The following SNX4 variants were observed in gnomAD, a reference collection of about 807,000 sequenced individuals.
SNX4 encodes the protein sorting nexin-4.
In SNX4, 49 loss-of-function variants were observed where a neutral mutation model predicts 70.8. That is an observed-to-expected ratio of 0.69 (90% CI 0.55 to 0.88). The LOEUF (loss-of-function observed/expected upper bound fraction) is 0.88. Ranked by LOEUF, SNX4 falls within the 40% of genes least tolerant of loss-of-function variation. The probability of loss-of-function intolerance (pLI) is 0.00; values close to 1 mark genes in which losing one functional copy is unlikely to be tolerated. For missense variants in SNX4, 528 were observed against 544.8 expected, an observed-to-expected ratio of 0.97 and a Z score of 0.31; for synonymous variants, 206 against 183.8, an observed-to-expected ratio of 1.12 and a Z score of -0.98.
intron 1 of SNX4, among the ~76,000 whole-genome samples, chr3:125,518,340 T>C (rs1370224256): frequency 6.6e-6 from 1 of 151,946 alleles, no homozygotes; most frequent in Non-Finnish European, 1.5e-5. Flanking sequence ...CATGCATCTG[T>C]AGTCCCAGCT....
chr3:125,449,792 T>C (rs1263039610), intron 13 of SNX4, among the ~76,000 whole-genome samples: 9 of 152,214 alleles, frequency 5.9e-5, no homozygotes, highest in Non-Finnish European at 1.2e-4. Context: ...GAAAGTCCTT[T>C]GAGACATTAT....
intron 1 of SNX4, among the ~76,000 whole-genome samples, chr3:125,506,153 G>A (rs966106908): frequency 2.0e-5 from 3 of 151,944 alleles, no homozygotes; most frequent in African/African-American, 7.3e-5. Context: ...AGAAGAATTC[G>A]ATGTCCAGAG....
chr3:125,452,487 TGGGA>T (rs1324237695), intron 12 of SNX4, among the ~76,000 whole-genome samples: 1 of 152,044 alleles, frequency 6.6e-6, no homozygotes, highest in Non-Finnish European at 1.5e-5. Context: ...GAGGCTGAGA[TGGGA>T]GGATCACTTG....
At chr3:125,516,860 G>A (rs1935294242) in intron 1 of SNX4, 1 of 152,050 alleles carries the variant, frequency 6.6e-6, no homozygotes. Context: ...AAAAAATGGT[G>A]GTTAAGCAAG....
At chr3:125,490,423 C>T (rs2107552833) in intron 5 of SNX4, among the ~76,000 whole-genome samples, 1 of 148,004 alleles carries the variant, frequency 6.8e-6, no homozygotes, top group Non-Finnish European at 1.5e-5. Flanking sequence ...TCCGGAGAGG[C>T]TGAGGCAGGA....
At chr3:125,467,691 G>A (rs7651586) in intron 9 of SNX4, among the ~76,000 whole-genome samples, 3,511 of 152,208 alleles carry the variant, frequency 0.023, 143 homozygotes, top group African/African-American at 0.08. Context: ...GGGATTACAG[G>A]CGTGAGCCAC....
chr3:125,497,941 G>A lies in SNX4; in HGVS notation c.442C>T (p.Pro148Ser), dbSNP rs1184421388. The change falls in exon 4 of 14, where the codon CCA becomes TCA. Residue 148 changes from proline (P) to serine (S), a missense_variant. Pro to Ser is a moderately conservative substitution (Grantham distance 74, BLOSUM62 -1). Around this residue, in one of 3 missense-constraint regions of SNX4, gnomAD observed 341 missense variants for 312.2 expected, o/e 1.09. Transcript: ENST00000251775. ...WHKLSADNMD[P>S]DFVERRRIGL... is the part of the protein sequence containing the mutation. ...ATCCGTCGCCTCTCCACAAAATCTGGATCCATGTTGTCAGCAGAGAGTTTA... is the reference window on the plus strand; with the variant it reads ...ATCCGTCGCCTCTCCACAAAATCTGAATCCATGTTGTCAGCAGAGAGTTTA... The A allele has an allele frequency of 6.2e-7, 1 of 1,614,004 alleles. No individual in the cohort carries two copies. Among genetic ancestry groups the A allele is most frequent in the Non-Finnish European group, 8.5e-7 (1 of 1,180,020 alleles).
At chr3:125,488,146 C>A in intron 6 of SNX4, among the ~76,000 whole-genome samples, 1 of 97,314 alleles carries the variant, frequency 1.0e-5, no homozygotes, top group African/African-American at 4.6e-5. Flanking sequence ...AAACCTGTAA[C>A]TGCTGTAAAA....
intron 5 of SNX4, 60 bp downstream of exon 5, chr3:125,497,281 G>GC: frequency 9.8e-7 from 1 of 1,016,468 alleles, no homozygotes; most frequent in South Asian, 1.4e-5. Context: ...CCCAATGAGT[G>GC]CATGGCACCA....
chr3:125,518,044 G>A (rs1268031472), intron 1 of SNX4, among the ~76,000 whole-genome samples: 1 of 152,028 alleles, frequency 6.6e-6, no homozygotes, highest in African/African-American at 2.4e-5. Flanking sequence ...TAGCATCCCT[G>A]GGTTTTCAAA....
intron 5 of SNX4, among the ~76,000 whole-genome samples, chr3:125,493,511 G>A (rs1389400122): frequency 3.3e-5 from 5 of 150,498 alleles, no homozygotes; most frequent in African/African-American, 4.9e-5. Context: ...AAAATTACCC[G>A]GGCATGGTGG....
intron 6 of SNX4, among the ~76,000 whole-genome samples, chr3:125,480,543 C>T (rs114415380): frequency 2.0e-3 from 307 of 152,170 alleles, no homozygotes; most frequent in African/African-American, 7.0e-3. Flanking sequence ...TAATTTACCT[C>T]GTGGAACTGA....
chr3:125,490,263 G>A (rs1410009716), intron 5 of SNX4, among the ~76,000 whole-genome samples: 2 of 151,546 alleles, frequency 1.3e-5, no homozygotes, highest in Non-Finnish European at 2.9e-5. Context: ...GGCCGGGCGC[G>A]GTGGCTCACG....
chr3:125,498,717 C>T (rs1231365809), intron 2 of SNX4, among the ~76,000 whole-genome samples: 2 of 152,204 alleles, frequency 1.3e-5, no homozygotes, highest in Non-Finnish European at 2.9e-5. Context: ...TCAGATCCAT[C>T]TGATTTCAAA....
In SNX4 at chr3:125,469,725, T is replaced by C. The variant is rs751316122; in HGVS notation, c.789-206A>G. Reference sequence around the variant, plus strand: ...AAGTGAAGGCTTCAAACGTTGATGCTTGCTGCTAAGCGGAAGGTAAGTATC... The same window carrying C: ...AAGTGAAGGCTTCAAACGTTGATGCCTGCTGCTAAGCGGAAGGTAAGTATC... On this transcript the variant is annotated intron_variant, in intron 8 of 13. Coordinates refer to ENST00000251775, the MANE Select transcript of SNX4 (RefSeq NM_003794.4). 8.2e-4 allele frequency among the ~76,000 whole-genome samples: 125 copies of C among 151,646 alleles called. 1 individual carries two copies. The highest frequency in any genetic ancestry group is 1.6e-3 in the Non-Finnish European group (107 of 67,506).
At chr3:125,472,016 CCT>C (rs1164576810) in intron 8 of SNX4, among the ~76,000 whole-genome samples, 3 of 152,172 alleles carry the variant, frequency 2.0e-5, no homozygotes, top group Admixed American at 2.0e-4. Flanking sequence ...CAAAATCTTC[CCT>C]GTTTCTTCTC....
chr3:125,491,161 T>C (rs577360848), intron 5 of SNX4, among the ~76,000 whole-genome samples: 17 of 152,336 alleles, frequency 1.1e-4, no homozygotes, highest in South Asian at 1.0e-3. Context: ...AATTCTCCTA[T>C]TTCTAAAATC....
At chr3:125,465,313 T>A (rs1933985462) in intron 9 of SNX4, among the ~76,000 whole-genome samples, 1 of 151,658 alleles carries the variant, frequency 6.6e-6, no homozygotes, top group South Asian at 2.1e-4. Context: ...TGGTGCAATC[T>A]CGATTCACTG....
In SNX4 at chr3:125,489,448, T is replaced by G; in HGVS notation, c.613A>C (p.Lys205Gln). ...GFQLKADSRL[K>Q]ALNATFRVKN... ...ACTCTGAATGTTGCATTAAGCGCTTTTAACCTGGAGTCTGCCTGGAAAAAA... is the reference window on the plus strand; with the variant it reads ...ACTCTGAATGTTGCATTAAGCGCTTGTAACCTGGAGTCTGCCTGGAAAAAA... Residue 205 changes from lysine (K) to glutamine (Q), a missense_variant, in exon 6 of 14, where the codon AAA becomes CAA. By Grantham distance (53) the Lys-to-Gln change is moderately conservative. Around this residue, in one of 3 missense-constraint regions of SNX4, gnomAD observed 341 missense variants for 312.2 expected, o/e 1.09. Transcript: ENST00000251775. 6.2e-7 allele frequency: 1 copy of G among 1,613,408 alleles called. No homozygotes were observed. Among genetic ancestry groups the G allele is most frequent in the South Asian group, 1.1e-5 (1 of 90,942 alleles).
Sources: gnomAD v4.1 joint callset for allele counts (sites outside exome capture counted in the v4.1 genomes callset) on GRCh38, gnomAD v4.1.1 for gene constraint, gnomAD v4.1.1 regional missense constraint, MANE v1.5 for transcripts, NCBI Gene and HGNC (gene_info 2026-07-23, HGNC 2026-07-21) for gene names.